Variants in DSP observed in about 807,000 individuals in gnomAD.
DSP encodes 250/210 kDa paraneoplastic pemphigus antigen.
In DSP, 114 loss-of-function variants were observed where a neutral mutation model predicts 290.6. That is an observed-to-expected ratio of 0.39 (90% CI 0.34 to 0.46). The LOEUF is 0.46. DSP is among the 20% of genes least tolerant of loss of function. The probability of loss-of-function intolerance (pLI) is 0.99; values close to 1 mark genes in which losing one functional copy is unlikely to be tolerated. For missense variants in DSP, 3,230 were observed against 3,495.8 expected, an observed-to-expected ratio of 0.92 and a Z score of 1.92; for synonymous variants, 1,311 against 1,316.4, an observed-to-expected ratio of 1.00 and a Z score of 0.09.
Position 7,574,178 on chromosome 6 carries a change from T to C in DSP, c.2223T>C (p.Tyr741=). ...ANFRGSEKYC[Y]LQNEVFGLFQ... ...TCAGAGGTTCTGAAAAGTACTGCTA[T>C]TTACAGAATGAAGTATTTGGACTAT... The change falls in exon 16 of 24, where the codon TAT becomes TAC. Residue 741 remains tyrosine, a synonymous_variant. Coordinates refer to ENST00000379802, the MANE Select transcript of DSP (RefSeq NM_004415.4). The C allele has an allele frequency of 1.2e-6, 2 of 1,614,068 alleles. No individual in the cohort carries two copies. Among genetic ancestry groups the C allele is most frequent in the Non-Finnish European group, 1.7e-6 (2 of 1,179,940 alleles).
intron 5 of DSP, 109 bp downstream of exon 5, chr6:7,562,889 A>C (rs1178385565): frequency 6.6e-7 from 1 of 1,508,334 alleles, no homozygotes; most frequent in African/African-American, 1.4e-5. Flanking sequence ...TTTCTTTCCC[A>C]GAAGACTGGA....
intron 2 of DSP, among the ~76,000 whole-genome samples, chr6:7,556,124 C>G (rs1758500628): frequency 6.6e-6 from 1 of 152,170 alleles, no homozygotes; most frequent in African/African-American, 2.4e-5. Flanking sequence ...TTGATACTTT[C>G]CCTTCTGAGA....
rs565412626 is a variant in DSP, at chr6:7,565,232, G to A, written c.778-127G>A. The stretch of plus-strand genomic sequence containing the variant: ...TACCAGGTGGTCAGTGAATGCACAA[G>A]GTTAACATTTTTCCTATCCGTGTGA... On this transcript the variant is annotated intron_variant, in intron 6 of 23. Coordinates refer to ENST00000379802, the MANE Select transcript of DSP (RefSeq NM_004415.4). The surrounding 1 kb of genome is among the most constrained non-coding windows in gnomAD (Gnocchi z 4.2). The A allele has an allele frequency of 6.3e-6, 8 of 1,263,832 alleles. No homozygotes were observed. The African/African-American group carries it at 1.0e-4, about 17-fold the overall frequency. 78.3% of individuals were successfully genotyped at this position (1,263,832 alleles called of 1,614,324 possible).
In DSP at chr6:7,579,431, G is replaced by A. The variant is rs1554108050; in HGVS notation, c.3241G>A (p.Glu1081Lys). 1.9e-6 allele frequency: 3 copies of A among 1,614,154 alleles called. No individual in the cohort carries two copies. The highest frequency in any genetic ancestry group is 2.5e-6 in the Non-Finnish European group (3 of 1,180,038). Residue 1081 changes from glutamate (E) to lysine (K), a missense_variant, in exon 23 of 24, where the codon GAG becomes AAG. By Grantham distance (56) the Glu-to-Lys change is moderately conservative. Transcript: ENST00000379802. This position sits in a 1 kb window ranked among gnomAD's most constrained non-coding sequence, Gnocchi z 4.1. ...QFKAKLASLE[E>K]LKRQAELDGK... ...CAAAGCGAAGCTTGCGAGCCTGGAG[G>A]AGCTGAAGAGACAGGCTGAGCTGGA... is the stretch of plus-strand genomic sequence containing the variant.
chr6:7,571,998 C>T lies in DSP; in HGVS notation c.2060C>T (p.Thr687Ile). 1 of 1,614,182 alleles carries T rather than the reference C, an allele frequency of 6.2e-7. No individual in the cohort carries two copies. The highest frequency in any genetic ancestry group is 1.3e-5 in the African/African-American group (1 of 75,054). The change falls in exon 15 of 24, where the codon ACT (threonine) becomes ATT (isoleucine). Residue 687 changes from threonine to isoleucine, a missense_variant. This residue lies in a region of DSP where 1,714 missense variants were observed against 1,844.5 expected (regional missense o/e 0.93). Coordinates refer to ENST00000379802, the MANE Select transcript of DSP (RefSeq NM_004415.4). ...ATAGAGCACTGCGAGGGCAGGATGA[C>T]TCTCAAAAACCTCCCTCTAGCAGAC... Reference protein sequence around the residue: ...RQIEHCEGRMTLKNLPLADQG... With the variant: ...RQIEHCEGRMILKNLPLADQG...
At chr6:7,561,428 A>T (rs2757632) in intron 4 of DSP, among the ~76,000 whole-genome samples, 43 of 151,984 alleles carry the variant, frequency 2.8e-4, no homozygotes, top group African/African-American at 9.9e-4. Flanking sequence ...GCTTTACCTC[A>T]TTCCCAGGAG....
intron 1 of DSP, among the ~76,000 whole-genome samples, chr6:7,548,416 GGCAGAAGCTCCAGGCACT>G (rs1427235615): frequency 1.3e-5 from 2 of 152,192 alleles, no homozygotes; most frequent in Non-Finnish European, 2.9e-5. Context: ...CTGTCACAGA[GGCAGAAGCTCCAGGCACT>G]GCCAGTGGAT....
At position 7,574,211 on chromosome 6, in the gene DSP, A is replaced by G. The variant is rs746391706; in HGVS notation, c.2256A>G (p.Lys752=). Residue 752 remains lysine, a synonymous_variant, in exon 16 of 24, where the codon AAA becomes AAG. Coordinates refer to ENST00000379802, the MANE Select transcript of DSP (RefSeq NM_004415.4). ...LQNEVFGLFQ[K]LENINGVTDG... ...ATGAAGTATTTGGACTATTTCAGAA[A>G]CTGGAAAATATCAATGGTGTTACAG... 6.2e-7 allele frequency: 1 copy of G among 1,614,092 alleles called. No homozygotes were observed. Among genetic ancestry groups the G allele is most frequent in the Non-Finnish European group, 8.5e-7 (1 of 1,179,976 alleles).
At position 7,562,576 on chromosome 6, in the gene DSP, C is replaced by G. The variant is rs1758728286; in HGVS notation, c.598-76C>G. 3 of 1,605,736 alleles carry G rather than the reference C, an allele frequency of 1.9e-6. No homozygotes were observed. In the South Asian group the frequency reaches 3.3e-5, roughly 18 times the overall value. ...TCTTTGGTTCTATCTGAAGTAAAGC[C>G]GTGATGGTGTGCGTAAGTGAAACAG... On this transcript the variant is annotated intron_variant, in intron 4 of 23. Transcript: ENST00000379802.
At chr6:7,559,948 C>T (rs1205240795) in intron 4 of DSP, among the ~76,000 whole-genome samples, 1 of 152,192 alleles carries the variant, frequency 6.6e-6, no homozygotes, top group African/African-American at 2.4e-5. Flanking sequence ...CATCACGTCA[C>T]CAGTGTGGGA....
chr6:7,555,877 C>G, intron 2 of DSP, 57 bp downstream of exon 2: 1 of 1,517,148 alleles, frequency 6.6e-7, no homozygotes, highest in Non-Finnish European at 9.1e-7. Context: ...CCCGACTGTC[C>G]TCTGGTTAGC....
At chr6:7,555,928 G>A in intron 2 of DSP, 108 bp downstream of exon 2, 1 of 920,454 alleles carries the variant, frequency 1.1e-6, no homozygotes, top group South Asian at 1.4e-5. Flanking sequence ...CTTTCACGTA[G>A]TGTTTAGAGA....
intron 1 of DSP, among the ~76,000 whole-genome samples, chr6:7,546,753 C>A (rs1259084347): frequency 6.6e-6 from 1 of 152,184 alleles, no homozygotes; most frequent in Non-Finnish European, 1.5e-5. Flanking sequence ...TGTATTCTTT[C>A]ATTAATACTC....
At position 7,565,507 on chromosome 6, in the gene DSP, A is replaced by AG. The variant is rs794728137; in HGVS notation, c.928dup (p.Glu310GlyfsTer13). On this transcript the variant is annotated frameshift_variant, in exon 7 of 24. Coordinates refer to ENST00000379802, the MANE Select transcript of DSP (RefSeq NM_004415.4). LOFTEE classifies it high-confidence loss of function. The surrounding 1 kb of genome is among the most constrained non-coding windows in gnomAD (Gnocchi z 4.2). ...AAGAACACCAACATCGCTCAGAAAC[A>AG]GGAGGCCTTCTCCGTAAGTTCACCC... The AG allele has an allele frequency of 6.2e-7, 1 of 1,613,970 alleles. No homozygotes were observed. The highest frequency in any genetic ancestry group is 8.5e-7 in the Non-Finnish European group (1 of 1,179,898).
At chr6:7,558,663 G>A (rs1338939048) in intron 3 of DSP, among the ~76,000 whole-genome samples, 1 of 151,910 alleles carries the variant, frequency 6.6e-6, no homozygotes, top group East Asian at 1.9e-4. Context: ...ATCGGCATGT[G>A]CCATACCTAG....
intron 1 of DSP, among the ~76,000 whole-genome samples, chr6:7,549,387 G>C (rs894617743): frequency 3.9e-5 from 6 of 152,218 alleles, no homozygotes; most frequent in African/African-American, 1.2e-4. Flanking sequence ...GACCTCAGGT[G>C]ATCCTCCCGC....
intron 1 of DSP, among the ~76,000 whole-genome samples, chr6:7,545,798 T>C (rs1424365986): frequency 6.6e-6 from 1 of 152,164 alleles, no homozygotes; most frequent in Non-Finnish European, 1.5e-5. Context: ...CTTTGGAGTA[T>C]TTCAGCTGTG....
intron 6 of DSP, 76 bp downstream of exon 6, chr6:7,563,862 C>T (rs1758778308): frequency 7.3e-7 from 1 of 1,368,552 alleles, no homozygotes; most frequent in Admixed American, 1.7e-5. Context: ...ATATCAAGCA[C>T]ATCCTGGCGG....
At chr6:7,544,037 A>G (rs1758098654) in intron 1 of DSP, among the ~76,000 whole-genome samples, 2 of 152,306 alleles carry the variant, frequency 1.3e-5, no homozygotes, top group South Asian at 4.1e-4. Flanking sequence ...AAGGGGAAAG[A>G]GACCCAAGTG....
Sources: allele counts gnomAD v4.1 joint callset (sites outside exome capture counted in the v4.1 genomes callset), GRCh38; gene constraint gnomAD v4.1.1; regional missense constraint gnomAD v4.1.1; non-coding constraint Gnocchi (gnomAD v3.1); transcripts MANE v1.5; gene names NCBI Gene and HGNC (gene_info 2026-07-23, HGNC 2026-07-21).